ROBO2: variants seen among roughly 807,000 people sequenced by gnomAD.
ROBO2 encodes the protein roundabout guidance receptor 2.
Under a neutral mutation model 160.8 loss-of-function variants are expected in ROBO2, and 53 were observed. The observed-to-expected ratio is 0.33, with a 90% confidence interval of 0.26 to 0.41. ROBO2 has a LOEUF of 0.41. Among genes scored for constraint, ROBO2 ranks in the 10% least tolerant of loss-of-function variants. The pLI is 1.00. For missense variants in ROBO2, 1,577 were observed against 1,722.4 expected (o/e 0.92, Z 1.49); for synonymous variants, 664 against 611.7 (o/e 1.09, Z -1.26).
chr3:77,640,105 T>G, intron 24 of ROBO2, among the ~76,000 whole-genome samples: 1 of 109,288 alleles, frequency 9.2e-6, no homozygotes, highest in Non-Finnish European at 1.9e-5. Context: ...GCATTTTTTT[T>G]TTTTTTTTTT....
intron 2 of ROBO2, among the ~76,000 whole-genome samples, chr3:76,827,146 C>A (rs1486003166): frequency 1.3e-5 from 2 of 152,054 alleles, no homozygotes; most frequent in Admixed American, 6.6e-5. Flanking sequence ...GAGATTTGGA[C>A]TAAGATAGCT....
intron 2 of ROBO2, among the ~76,000 whole-genome samples, chr3:76,780,166 GT>G (rs2062541371): frequency 6.7e-6 from 1 of 149,330 alleles, no homozygotes; most frequent in Middle Eastern, 3.2e-3. Context: ...ACCTTTACAT[GT>G]TGGGCATTTG....
chr3:76,338,675 G>T (rs2074036157), intron 2 of ROBO2, among the ~76,000 whole-genome samples: 1 of 150,992 alleles, frequency 6.6e-6, no homozygotes, highest in African/African-American at 2.4e-5. Context: ...GCAAGATCAT[G>T]CTTCTTTTTT....
intron 2 of ROBO2, among the ~76,000 whole-genome samples, chr3:76,241,588 A>T (rs1216690774): frequency 2.6e-5 from 4 of 152,234 alleles, no homozygotes. Context: ...AAGTGAATAG[A>T]GTAGCCCATT....
At chr3:77,363,023 T>C (rs1046145674) in intron 2 of ROBO2, among the ~76,000 whole-genome samples, 2 of 151,956 alleles carry the variant, frequency 1.3e-5, no homozygotes, top group African/African-American at 4.8e-5. Context: ...GGGGACACAG[T>C]CAAACCATAT....
At chr3:76,011,251 G>A (rs1576469260) in intron 2 of ROBO2, among the ~76,000 whole-genome samples, 1 of 152,152 alleles carries the variant, frequency 6.6e-6, no homozygotes, top group South Asian at 2.1e-4. Context: ...CAAAATTCCC[G>A]CGATCACTTC....
intron 2 of ROBO2, among the ~76,000 whole-genome samples, chr3:76,651,431 T>C (rs1212570943): frequency 6.6e-6 from 1 of 152,164 alleles, no homozygotes; most frequent in Non-Finnish European, 1.5e-5. Context: ...TTATATGTTT[T>C]TGTGAACTCA....
chr3:76,753,036 A>G lies in ROBO2; in HGVS notation c.110-344978A>G, dbSNP rs560712105. ...TTAATTCAAAAGAGTTAAGTAAGAC[A>G]TTTCTGGTATTTTTAAAGGTATATG... On this transcript the variant is annotated intron_variant, in intron 2 of 26. Coordinates refer to the ROBO2 transcript ENST00000487694. 3.9e-5 allele frequency among the ~76,000 whole-genome samples: 6 copies of G among 152,048 alleles called. No homozygotes were observed. In the East Asian group the frequency reaches 1.2e-3, roughly 30 times the overall value.
intron 2 of ROBO2, among the ~76,000 whole-genome samples, chr3:76,047,108 A>G (rs1015822240): frequency 6.6e-6 from 1 of 152,230 alleles, no homozygotes; most frequent in Non-Finnish European, 1.5e-5. Flanking sequence ...AATTATAGGT[A>G]CATAATTCCT....
At chr3:76,359,660 C>T (rs3860546) in intron 2 of ROBO2, among the ~76,000 whole-genome samples, 37,157 of 151,820 alleles carry the variant, frequency 0.24, 7,780 homozygotes, top group African/African-American at 0.57. Flanking sequence ...TCCTGTAATT[C>T]ACTACTCTTT....
chr3:75,917,004 TACAC>T (rs1279624453), intron 1 of ROBO2, among the ~76,000 whole-genome samples: 1 of 144,882 alleles, frequency 6.9e-6, no homozygotes, highest in Non-Finnish European at 1.5e-5. Context: ...CACACACACA[TACAC>T]ATATTGCGTA....
At chr3:76,002,372 C>A (rs868656981) in intron 2 of ROBO2, among the ~76,000 whole-genome samples, 1 of 152,080 alleles carries the variant, frequency 6.6e-6, no homozygotes, top group Non-Finnish European at 1.5e-5. Flanking sequence ...CCGTAACTCC[C>A]GTGTGTTGTG....
chr3:76,741,317 T>C (rs1370848032), intron 2 of ROBO2, among the ~76,000 whole-genome samples: 1 of 152,054 alleles, frequency 6.6e-6, no homozygotes, highest in Non-Finnish European at 1.5e-5. Flanking sequence ...TAATTAACAA[T>C]AAATGAAAAG....
At chr3:77,042,688 T>A (rs2064218755) in intron 1 of ROBO2, among the ~76,000 whole-genome samples, 2 of 152,060 alleles carry the variant, frequency 1.3e-5, no homozygotes, top group African/African-American at 4.8e-5. Flanking sequence ...CTTCCCTCCC[T>A]CCCTCCTTTC....
chr3:76,198,269 A>G (rs979557204), intron 2 of ROBO2, among the ~76,000 whole-genome samples: 4 of 151,976 alleles, frequency 2.6e-5, no homozygotes, highest in Admixed American at 2.6e-4. Flanking sequence ...CCCTCAGGAC[A>G]TGGTGGGAAG....
At chr3:76,925,125 G>A (rs574573040) in intron 2 of ROBO2, among the ~76,000 whole-genome samples, 99 of 149,096 alleles carry the variant, frequency 6.6e-4, no homozygotes, top group Admixed American at 3.1e-3. Flanking sequence ...GGAGGAGAAT[G>A]GCGTGAACCC....
rs376194342 is a variant in ROBO2 at position 77,627,445 on chromosome 3, AT to A, written c.3760+5024del. Among the ~76,000 whole-genome samples, 943 of 144,106 alleles carry A rather than the reference AT, an allele frequency of 6.5e-3. 9 individuals are homozygous for A. Among genetic ancestry groups the A allele is most frequent in the African/African-American group, 0.021 (829 of 39,522 alleles). 94.5% of individuals were successfully genotyped at this position (144,106 alleles called of 152,430 possible). A position where few individuals can be genotyped will look rare whatever the true frequency, so the allele number is the denominator to read the frequency against. On this transcript the variant is annotated intron_variant, in intron 23 of 25. Transcript: ENST00000461745. ...CAGGCTCGGGCCACCACGCTAAGCT[AT>A]TTTTTTTTTTGTATTTTTAGTAGAT...
At chr3:77,606,873 T>C (rs568898650) in intron 20 of ROBO2, among the ~76,000 whole-genome samples, 1 of 152,312 alleles carries the variant, frequency 6.6e-6, no homozygotes, top group Non-Finnish European at 1.5e-5. Flanking sequence ...ACAGAAGTTA[T>C]ATAGTGTCCC....
intron 2 of ROBO2, among the ~76,000 whole-genome samples, chr3:76,637,388 ATTTC>A (rs1226164784): frequency 2.6e-5 from 4 of 151,350 alleles, no homozygotes; most frequent in African/African-American, 9.7e-5. Flanking sequence ...AAAGACCTGC[ATTTC>A]TTTCTTTCTT....
Sources: gnomAD v4.1 joint callset for allele counts (sites outside exome capture counted in the v4.1 genomes callset) on GRCh38, gnomAD v4.1.1 for gene constraint, MANE v1.5 for transcripts, NCBI Gene and HGNC (gene_info 2026-07-23, HGNC 2026-07-21) for gene names.